The following SPHK2 variants were observed in gnomAD, a reference collection of about 807,000 sequenced individuals.
SPHK2 encodes sphingosine kinase 2.
In SPHK2, 18 loss-of-function variants were observed where a neutral mutation model predicts 32.3. The observed-to-expected ratio is 0.56, with a 90% confidence interval of 0.39 to 0.83. SPHK2 has a LOEUF of 0.83. SPHK2 is among the 40% of genes least tolerant of loss of function. The pLI, the probability that SPHK2 is intolerant of heterozygous loss-of-function variation, is 0.00. For synonymous variants in SPHK2, 462 were observed against 417.6 expected (o/e 1.11, Z -1.30); for missense variants, 850 against 908.7 (o/e 0.94, Z 0.83).
At chr19:48,625,016 G>A in intron 2 of SPHK2, 1 of 987,912 alleles carries the variant, frequency 1.0e-6, no homozygotes, top group South Asian at 4.6e-5. Context: ...AGGGCCTGTG[G>A]GGAAGGGACC....
At chr19:48,624,862 C>A in intron 2 of SPHK2, 1 of 974,368 alleles carries the variant, frequency 1.0e-6, no homozygotes, top group African/African-American at 1.8e-5. Context: ...AAGGGTGAGT[C>A]CACAGGCGGT....
At position 48,629,972 on chromosome 19, in the gene SPHK2, C is replaced by T. The variant is rs975807760; in HGVS notation, c.*199C>T. 20 of 1,406,814 alleles carry T rather than the reference C, an allele frequency of 1.4e-5. No individual in the cohort carries two copies. In the African/African-American group the frequency reaches 2.9e-4, roughly 20 times the overall value. 87.1% of individuals were successfully genotyped at this position (1,406,814 alleles called of 1,614,324 possible). A position where few individuals can be genotyped will look rare whatever the true frequency, so the allele number is the denominator to read the frequency against. On this transcript the variant is annotated 3_prime_UTR_variant, in exon 7 of 7. Coordinates refer to ENST00000245222, the MANE Select transcript of SPHK2 (RefSeq NM_020126.5). ...CACGGTTAAAGAGAAATGGGCTCGT[C>T]CCGAGGGTAGTGCCTGATCAATGAG...
chr19:48,622,757 CTTTTTTTTTTTTTT>C (rs779108312), intron 2 of SPHK2, among the ~76,000 whole-genome samples: 4 of 108,546 alleles, frequency 3.7e-5, no homozygotes, highest in Non-Finnish European at 5.7e-5. Flanking sequence ...ATTTGTCTCT[CTTTTTTTTTTTTTT>C]TTTTTTTTTT....
At chr19:48,620,201 A>G (rs755642111) in intron 1 of SPHK2, among the ~76,000 whole-genome samples, 2 of 152,190 alleles carry the variant, frequency 1.3e-5, no homozygotes, top group Non-Finnish European at 2.9e-5. Context: ...GCTCAATAAA[A>G]ATTAGCCTTC....
chr19:48,623,239 C>CACA (rs1555740970), intron 2 of SPHK2: 3 of 83,910 alleles, frequency 3.6e-5, no homozygotes, highest in Non-Finnish European at 7.3e-5. Flanking sequence ...GACTCCATCT[C>CACA]AAAAAAAAAA....
intron 4 of SPHK2, 31 bp downstream of exon 4, chr19:48,627,872 C>G: frequency 6.3e-7 from 1 of 1,596,240 alleles, no homozygotes; most frequent in South Asian, 1.1e-5. Flanking sequence ...GAGCTGGGGG[C>G]TGGGACAGCT....
intron 2 of SPHK2, chr19:48,620,866 G>T: frequency 4.0e-6 from 1 of 253,054 alleles, no homozygotes; most frequent in Non-Finnish European, 7.8e-6. Context: ...AGAGGTTGCA[G>T]TGAGCCGAGA....
chr19:48,627,662 G>T (rs376612167), intron 3 of SPHK2, 30 bp from the exon 4 acceptor site: 29 of 1,532,854 alleles, frequency 1.9e-5, no homozygotes, highest in Non-Finnish European at 2.4e-5. Flanking sequence ...TGGGTCACTG[G>T]CCTCTGCAGA....
Position 48,629,096 on chromosome 19 carries a change from C to T in SPHK2, c.1288C>T (p.Pro430Ser). Reference sequence around the variant, plus strand: ...TGACCTGCCTCTTCCCCTGCCCCAGCCTGCCCTGGCCTCTCCTGGCTCGCC... The same window carrying T: ...TGACCTGCCTCTTCCCCTGCCCCAGTCTGCCCTGGCCTCTCCTGGCTCGCC... ...VSDLPLPLPQ[P>S]ALASPGSPEP... is the part of the protein sequence containing the mutation. Residue 430 changes from proline to serine, a missense_variant, in exon 7 of 7, where the codon CCT (proline) becomes TCT (serine). By Grantham distance (74) the Pro-to-Ser change is moderately conservative (BLOSUM62 -1). Coordinates refer to ENST00000245222, the MANE Select transcript of SPHK2 (RefSeq NM_020126.5). 1 of 1,613,548 alleles carries T rather than the reference C, an allele frequency of 6.2e-7. No homozygotes were observed. Among genetic ancestry groups the T allele is most frequent in the South Asian group, 1.1e-5 (1 of 91,082 alleles).
At position 48,629,511 on chromosome 19, in the gene SPHK2, T is replaced by C. The variant is rs1396182770; in HGVS notation, c.1703T>C (p.Leu568Pro). The C allele has an allele frequency of 6.2e-7, 1 of 1,606,888 alleles. No individual in the cohort carries two copies. The highest frequency in any genetic ancestry group is 8.5e-7 in the Non-Finnish European group (1 of 1,178,152). The change falls in exon 7 of 7, where the codon CTG becomes CCG. Residue 568 changes from leucine (L) to proline (P), a missense_variant. Leu to Pro is a moderately conservative substitution (Grantham distance 98). This residue lies in a region of SPHK2 where 306 missense variants were observed against 268.6 expected (regional missense o/e 1.14). Coordinates refer to ENST00000245222, the MANE Select transcript of SPHK2 (RefSeq NM_020126.5). ...CGCTTCGACGACGGCCTGGTGCACC[T>C]GTGCTGGGTGCGTAGCGGCATCTCG... ...HARFDDGLVH[L>P]CWVRSGISRA...
Position 48,628,544 on chromosome 19 carries a change from G to A in SPHK2, c.873-137G>A. On this transcript the variant is annotated intron_variant, in intron 6 of 6. Transcript: ENST00000245222. This position sits in a 1 kb window ranked among gnomAD's most constrained non-coding sequence, Gnocchi z 5.2. ...AACCTGGCCCCGTAAGGAGTCGCCT[G>A]GAGGTGGCCCCACGGCTGTGGTGGG... 1 of 1,127,998 alleles carries A rather than the reference G, an allele frequency of 8.9e-7. No individual in the cohort carries two copies. Among genetic ancestry groups the A allele is most frequent in the Admixed American group, 1.7e-5 (1 of 57,812 alleles). The allele number at this position is 1,127,998 out of a possible 1,614,324, so 69.9% of individuals were successfully genotyped here. A position where few individuals can be genotyped will look rare whatever the true frequency, so the allele number is the denominator to read the frequency against.
chr19:48,625,339 C>T, intron 2 of SPHK2: 3 of 1,135,722 alleles, frequency 2.6e-6, no homozygotes, highest in Non-Finnish European at 3.3e-6. Flanking sequence ...CTCTGGCTCT[C>T]AGACCCTATC....
Position 48,628,629 on chromosome 19 carries a change from A to C in SPHK2, c.873-52A>C, listed in dbSNP as rs2030223874. 1 of 1,589,602 alleles carries C rather than the reference A, an allele frequency of 6.3e-7. No homozygotes were observed. The highest frequency in any genetic ancestry group is 8.5e-7 in the Non-Finnish European group (1 of 1,170,822). The stretch of plus-strand genomic sequence containing the variant: ...TGCTTTCCTACCTGTCTCTTTCCCC[A>C]ACCCCTGTTTGCTCCTTCCTTCTGT... On this transcript the variant is annotated intron_variant, in intron 6 of 6. Transcript: ENST00000245222. This position sits in a 1 kb window ranked among gnomAD's most constrained non-coding sequence, Gnocchi z 5.2.
chr19:48,627,106 C>G, intron 3 of SPHK2, among the ~76,000 whole-genome samples: 1 of 152,308 alleles, frequency 6.6e-6, no homozygotes, highest in South Asian at 2.1e-4. Flanking sequence ...TGCACTCCAT[C>G]CTGGGCGACA....
intron 3 of SPHK2, chr19:48,626,827 A>AC (rs1181085832): frequency 1.3e-5 from 2 of 152,976 alleles, no homozygotes; most frequent in Non-Finnish European, 2.9e-5. Context: ...AAAAAAAAAA[A>AC]AAAAAAAAAA....
At position 48,620,410 on chromosome 19, in the gene SPHK2, G is replaced by C; in HGVS notation, c.-105G>C. On this transcript the variant is annotated 5_prime_UTR_variant, in exon 2 of 7. Coordinates refer to ENST00000245222, the MANE Select transcript of SPHK2 (RefSeq NM_020126.5). ...TTACCTCTCCTCCACAGAGCTGAAGGTCAGGCCAGGACAGTGAGACCTGAC... is the reference window on the plus strand; with the variant it reads ...TTACCTCTCCTCCACAGAGCTGAAGCTCAGGCCAGGACAGTGAGACCTGAC... 4.3e-6 allele frequency: 4 copies of C among 936,966 alleles called. No individual in the cohort carries two copies. The South Asian group carries it at 6.4e-5, about 15-fold the overall frequency. The allele number at this position is 936,966 out of a possible 1,614,324, so 58.0% of individuals were successfully genotyped here. A position where few individuals can be genotyped will look rare whatever the true frequency, so the allele number is the denominator to read the frequency against.
Position 48,625,548 on chromosome 19 carries a change from C to G in SPHK2, c.40-343C>G, listed in dbSNP as rs764633150. 348 of 1,306,422 alleles carry G rather than the reference C, an allele frequency of 2.7e-4. 4 individuals are homozygous for G. Among genetic ancestry groups the G allele is most frequent in the South Asian group, 8.0e-4 (55 of 69,026 alleles). The allele number at this position is 1,306,422 out of a possible 1,614,324, so 80.9% of individuals were successfully genotyped here. A position where few individuals can be genotyped will look rare whatever the true frequency, so the allele number is the denominator to read the frequency against. On this transcript the variant is annotated intron_variant, in intron 2 of 6. Coordinates refer to ENST00000245222, the MANE Select transcript of SPHK2 (RefSeq NM_020126.5). Reference sequence around the variant, plus strand: ...CCACCTGTATATTTCAATCCTTTCTCTTGTTTATCTATTCCTATGAAGGCA... The same window carrying G: ...CCACCTGTATATTTCAATCCTTTCTGTTGTTTATCTATTCCTATGAAGGCA...
Position 48,626,302 on chromosome 19 carries a change from C to G in SPHK2, c.451C>G (p.Gln151Glu). The change falls in exon 3 of 7, where the codon CAG becomes GAG. Residue 151 changes from glutamine (Q) to glutamate (E), a missense_variant. Transcript: ENST00000245222. Reference protein sequence around the residue: ...ATYEENRAEAQRWATALTCLL... With the variant: ...ATYEENRAEAERWATALTCLL... The stretch of plus-strand genomic sequence containing the variant: ...CTACGAAGAGAACCGTGCCGAGGCC[C>G]AGCGCTGGGCCACTGCCCTCACCTG... 1.3e-6 allele frequency: 2 copies of G among 1,595,192 alleles called. No individual in the cohort carries two copies. The highest frequency in any genetic ancestry group is 4.5e-5 in the East Asian group (2 of 44,596).
chr19:48,624,205 G>A (rs1470091761), intron 2 of SPHK2: 1 of 152,272 alleles, frequency 6.6e-6, no homozygotes, highest in Non-Finnish European at 1.5e-5. Context: ...ATGGCGGCCA[G>A]TCTCCCGAAG....
Sources: gnomAD v4.1 joint callset for allele counts (sites outside exome capture counted in the v4.1 genomes callset) on GRCh38, gnomAD v4.1.1 for gene constraint, gnomAD v4.1.1 regional missense constraint, Gnocchi (gnomAD v3.1) non-coding constraint, MANE v1.5 for transcripts, NCBI Gene and HGNC (gene_info 2026-07-23, HGNC 2026-07-21) for gene names.